The following PDE10A variants were observed in gnomAD, a reference collection of about 807,000 sequenced individuals.
PDE10A encodes the protein phosphodiesterase 10A.
A neutral mutation model predicts 97.7 loss-of-function variants in PDE10A; 39 were observed. That is an observed-to-expected ratio of 0.40 (90% CI 0.31 to 0.52). The LOEUF is 0.52. Ranked by LOEUF, PDE10A falls within the 20% of genes least tolerant of loss-of-function variation. The pLI, the probability that PDE10A is intolerant of heterozygous loss-of-function variation, is 0.56. For synonymous variants in PDE10A, 371 were observed against 376.8 expected, an observed-to-expected ratio of 0.98 and a Z score of 0.18; for missense variants, 731 against 1,047.8, an observed-to-expected ratio of 0.70 and a Z score of 4.17.
In PDE10A at chr6:165,736,678, T is replaced by C. The variant is rs190408083; in HGVS notation, c.-614-193110A>G. Among the ~76,000 whole-genome samples, 42 of 152,298 alleles carry C rather than the reference T, an allele frequency of 2.8e-4. No homozygotes were observed. The East Asian group carries it at 6.2e-3, about 22-fold the overall frequency. Reference sequence around the variant, plus strand: ...AGCATTCCTAAGAGGGAAGTTACCATGATAAATGTCTATGTTAAGGAAAAA... The same window carrying C: ...AGCATTCCTAAGAGGGAAGTTACCACGATAAATGTCTATGTTAAGGAAAAA... On this transcript the variant is annotated intron_variant, in intron 1 of 19. Transcript: ENST00000366882.
chr6:165,506,949 A>G (rs539289585), intron 2 of PDE10A, among the ~76,000 whole-genome samples: 1 of 152,256 alleles, frequency 6.6e-6, no homozygotes, highest in South Asian at 2.1e-4. Flanking sequence ...ATCAGTAATC[A>G]TCAGCTCAGG....
chr6:165,349,297 AGTCCAGGCTG>A (rs1393144322), intron 18 of PDE10A, among the ~76,000 whole-genome samples: 1 of 152,172 alleles, frequency 6.6e-6, no homozygotes, highest in Non-Finnish European at 1.5e-5. Flanking sequence ...AGGACAATGA[AGTCCAGGCTG>A]GTCCAGGTGG....
intron 1 of PDE10A, among the ~76,000 whole-genome samples, chr6:165,578,490 T>C (rs776241858): frequency 1.3e-5 from 2 of 152,092 alleles, no homozygotes; most frequent in Non-Finnish European, 2.9e-5. Flanking sequence ...ATTTGATTAG[T>C]TCCTCACTGT....
At chr6:165,920,701 C>A (rs1338130431) in intron 1 of PDE10A, among the ~76,000 whole-genome samples, 1 of 152,092 alleles carries the variant, frequency 6.6e-6, no homozygotes, top group Non-Finnish European at 1.5e-5. Context: ...GCCCACACCT[C>A]CCTGGTATCT....
chr6:165,332,935 T>TGGC lies in PDE10A; in HGVS notation c.*89_*90insGCC. 1 of 593,426 alleles carries TGGC rather than the reference T, an allele frequency of 1.7e-6. No individual in the cohort carries two copies. Among genetic ancestry groups the TGGC allele is most frequent in the Non-Finnish European group, 3.2e-6 (1 of 314,680 alleles). The allele number at this position is 593,426 out of a possible 1,614,324, so 36.8% of individuals were successfully genotyped here. Reference sequence around the variant, plus strand: ...TGCACCCCAGTTACCAGGTGCAGGTTCCCCCCACCCCCCCCAAAAAAAGGA... The same window carrying TGGC: ...TGCACCCCAGTTACCAGGTGCAGGTTGGCCCCCCCACCCCCCCCAAAAAAAGGA... On this transcript the variant is annotated 3_prime_UTR_variant, in exon 22 of 22. Transcript: ENST00000539869.
At chr6:165,925,247 CA>C (rs1287850450) in intron 1 of PDE10A, among the ~76,000 whole-genome samples, 2 of 152,070 alleles carry the variant, frequency 1.3e-5, no homozygotes, top group Non-Finnish European at 2.9e-5. Flanking sequence ...GCAATAACAC[CA>C]AATGGTGGTG....
chr6:165,625,664 G>A (rs2128411720), intron 1 of PDE10A, among the ~76,000 whole-genome samples: 1 of 152,204 alleles, frequency 6.6e-6, no homozygotes, highest in East Asian at 1.9e-4. Flanking sequence ...TAGTGAATAA[G>A]TCTCACGAGA....
chr6:165,723,322 C>T (rs1039118007), intron 1 of PDE10A, among the ~76,000 whole-genome samples: 2 of 152,252 alleles, frequency 1.3e-5, no homozygotes, highest in African/African-American at 4.8e-5. Context: ...GGCCAGTTCC[C>T]TCTATGCTTC....
chr6:165,358,851 C>A (rs1783202729), intron 18 of PDE10A, among the ~76,000 whole-genome samples: 1 of 151,586 alleles, frequency 6.6e-6, no homozygotes, highest in African/African-American at 2.4e-5. Flanking sequence ...GATAAATATG[C>A]ATATTCTAAT....
At chr6:165,461,078 A>G (rs1024145840) in intron 3 of PDE10A, among the ~76,000 whole-genome samples, 1 of 120,842 alleles carries the variant, frequency 8.3e-6, no homozygotes, top group Non-Finnish European at 1.7e-5. Flanking sequence ...CAATTAGAAA[A>G]TGGGCACAGA....
intron 1 of PDE10A, among the ~76,000 whole-genome samples, chr6:165,862,029 T>G (rs1780918929): frequency 6.6e-6 from 1 of 152,242 alleles, no homozygotes; most frequent in African/African-American, 2.4e-5. Flanking sequence ...TCTGTGGCTC[T>G]GAGTCTCCTT....
chr6:165,413,395 T>G, intron 13 of PDE10A, 106 bp downstream of exon 13: 1 of 661,948 alleles, frequency 1.5e-6, no homozygotes, highest in East Asian at 2.8e-5. Context: ...TCCTGGTTTG[T>G]AAAGGAAATA....
At chr6:165,911,324 C>T (rs1562794563) in intron 1 of PDE10A, among the ~76,000 whole-genome samples, 1 of 152,164 alleles carries the variant, frequency 6.6e-6, no homozygotes, top group Non-Finnish European at 1.5e-5. Context: ...CAAAGGGCAG[C>T]ATTCCTAAAA....
chr6:165,481,258 T>A (rs549507055), intron 3 of PDE10A, among the ~76,000 whole-genome samples: 1 of 152,174 alleles, frequency 6.6e-6, no homozygotes, highest in Non-Finnish European at 1.5e-5. Flanking sequence ...TGGTACCTTT[T>A]AAGCGTCCAG....
chr6:165,358,228 G>A (rs9459381), intron 18 of PDE10A, among the ~76,000 whole-genome samples: 129 of 152,134 alleles, frequency 8.5e-4, no homozygotes, highest in Non-Finnish European at 1.4e-3. Context: ...CAATAGTGTC[G>A]TTTAGATCTC....
At chr6:165,968,721 C>T (rs1323087291) in intron 1 of PDE10A, among the ~76,000 whole-genome samples, 2 of 152,184 alleles carry the variant, frequency 1.3e-5, no homozygotes, top group Non-Finnish European at 2.9e-5. Flanking sequence ...AAGGAAAACA[C>T]ATAAGATTAT....
At chr6:165,380,267 A>G (rs894976024) in intron 17 of PDE10A, among the ~76,000 whole-genome samples, 1 of 152,182 alleles carries the variant, frequency 6.6e-6, no homozygotes, top group Non-Finnish European at 1.5e-5. Flanking sequence ...GTACTACTCT[A>G]AGTTGATTTT....
chr6:165,638,324 C>T (rs138937817), intron 1 of PDE10A, among the ~76,000 whole-genome samples: 9 of 152,164 alleles, frequency 5.9e-5, no homozygotes, highest in Middle Eastern at 3.4e-3. Context: ...CAAAACTAAA[C>T]GCAAATAAAA....
chr6:165,911,701 G>T (rs1007566349), intron 1 of PDE10A, among the ~76,000 whole-genome samples: 6 of 152,190 alleles, frequency 3.9e-5, no homozygotes, highest in Admixed American at 3.3e-4. Context: ...GGCTCACCAG[G>T]TTCCAAGAAC....
Sources: gnomAD v4.1 joint callset for allele counts (sites outside exome capture counted in the v4.1 genomes callset) on GRCh38, gnomAD v4.1.1 for gene constraint, MANE v1.5 for transcripts, NCBI Gene and HGNC (gene_info 2026-07-23, HGNC 2026-07-21) for gene names.